XKR6: variants seen among roughly 807,000 people sequenced by gnomAD.
The protein encoded by XKR6 is XK-related protein 6.
Under a neutral mutation model 56.7 loss-of-function variants are expected in XKR6, and 22 were observed. That is an observed-to-expected ratio of 0.39 (90% CI 0.28 to 0.55). XKR6 has a LOEUF of 0.55. Among genes scored for constraint, XKR6 ranks in the 20% least tolerant of loss-of-function variants. XKR6 has a pLI of 0.66. For missense variants in XKR6, 852 were observed against 889.0 expected, an observed-to-expected ratio of 0.96 and a Z score of 0.53; for synonymous variants, 524 against 387.8, an observed-to-expected ratio of 1.35 and a Z score of -4.13.
At chr8:11,002,565 G>C (rs921414157) in intron 1 of XKR6, 1 of 205,786 alleles carries the variant, frequency 4.9e-6, no homozygotes, top group Non-Finnish European at 1.1e-5. Flanking sequence ...GGCTGGGCGG[G>C]GCTTTGCCAT....
intron 2 of XKR6, among the ~76,000 whole-genome samples, chr8:10,922,802 A>G (rs1800760842): frequency 6.6e-6 from 1 of 152,136 alleles, no homozygotes; most frequent in Non-Finnish European, 1.5e-5. Flanking sequence ...GTATGTGTGC[A>G]TGTGGGTGTG....
At chr8:11,127,723 A>T (rs552425662) in intron 1 of XKR6, among the ~76,000 whole-genome samples, 6 of 152,240 alleles carry the variant, frequency 3.9e-5, no homozygotes, top group African/African-American at 1.4e-4. Flanking sequence ...TTCATCCCCA[A>T]ATCCTTAATC....
chr8:11,191,499 G>A (rs76068855), intron 1 of XKR6, among the ~76,000 whole-genome samples: 10 of 152,200 alleles, frequency 6.6e-5, no homozygotes, highest in African/African-American at 2.2e-4. Context: ...CGTATGGGGC[G>A]CCTACTGATA....
At chr8:11,167,378 G>A (rs1332965923) in intron 1 of XKR6, among the ~76,000 whole-genome samples, 4 of 152,228 alleles carry the variant, frequency 2.6e-5, no homozygotes, top group African/African-American at 9.6e-5. Context: ...CAAGTAGAAC[G>A]CATTCATAAA....
intron 1 of XKR6, among the ~76,000 whole-genome samples, chr8:11,161,963 A>T (rs1348344240): frequency 6.6e-6 from 1 of 152,256 alleles, no homozygotes; most frequent in South Asian, 2.1e-4. Flanking sequence ...AAAGAAAAAG[A>T]AAAGAGGAAG....
chr8:11,004,733 G>A (rs1474819098), intron 1 of XKR6, among the ~76,000 whole-genome samples: 1 of 152,160 alleles, frequency 6.6e-6, no homozygotes, highest in Non-Finnish European at 1.5e-5. Flanking sequence ...ACAGATAATT[G>A]TATATCCATG....
intron 1 of XKR6, among the ~76,000 whole-genome samples, chr8:10,982,268 T>C (rs1277100843): frequency 2.0e-5 from 3 of 152,206 alleles, no homozygotes; most frequent in Non-Finnish European, 4.4e-5. Context: ...TTGAAAATCA[T>C]TTCCAAGAAA....
chr8:11,039,271 C>T (rs1451944960), intron 1 of XKR6, among the ~76,000 whole-genome samples: 2 of 152,206 alleles, frequency 1.3e-5, no homozygotes, highest in Non-Finnish European at 2.9e-5. Context: ...AAGAGGGAGA[C>T]TGCAGATCCA....
At chr8:10,979,232 A>G (rs1797669093) in intron 1 of XKR6, among the ~76,000 whole-genome samples, 1 of 151,994 alleles carries the variant, frequency 6.6e-6, no homozygotes, top group Non-Finnish European at 1.5e-5. Flanking sequence ...GGCCAGGCCC[A>G]CTAGCCTACT....
rs150251085 is a variant in XKR6 at position 11,033,271 on chromosome 8, G to A, written c.765-108441C>T. The stretch of plus-strand genomic sequence containing the variant: ...AGTGGAGATGCTAATGATGATGATG[G>A]CGATGATGACGATAGTGATGGTGAT... On this transcript the variant is annotated intron_variant, in intron 1 of 2. Transcript: ENST00000416569. Among the ~76,000 whole-genome samples, 50 of 121,644 alleles carry A rather than the reference G, an allele frequency of 4.1e-4. 1 individual carries two copies. The South Asian group carries it at 7.3e-3, about 18-fold the overall frequency. The allele number at this position is 121,644 out of a possible 152,430, so 79.8% of individuals were successfully genotyped here.
intron 1 of XKR6, among the ~76,000 whole-genome samples, chr8:11,063,213 A>ATAAC (rs1445041805): frequency 6.6e-6 from 1 of 151,988 alleles, no homozygotes; most frequent in Admixed American, 6.6e-5. Context: ...AAATAAATAA[A>ATAAC]TAAATAAATA....
Position 11,201,536 on chromosome 8 carries a change from GC to G in XKR6, c.-198del, listed in dbSNP as rs1804248207. Among the ~76,000 whole-genome samples, 1 of 152,004 alleles carries G rather than the reference GC, an allele frequency of 6.6e-6. No individual in the cohort carries two copies. The highest frequency in any genetic ancestry group is 2.4e-5 in the African/African-American group (1 of 41,378). On this transcript the variant is annotated 5_prime_UTR_variant, in exon 1 of 3. Coordinates refer to ENST00000416569, the MANE Select transcript of XKR6 (RefSeq NM_173683.4). ...GGTAGTTGGCGTCACTTCCGGGCGA[GC>G]CCCCCAATCGCACGGCGCCCGCAGC...
intron 1 of XKR6, among the ~76,000 whole-genome samples, chr8:11,096,873 C>G (rs956478266): frequency 1.3e-5 from 2 of 152,208 alleles, no homozygotes; most frequent in African/African-American, 4.8e-5. Flanking sequence ...GAATGTCACC[C>G]AAACACCAAA....
At chr8:10,912,321 T>C (rs1800410543) in intron 2 of XKR6, among the ~76,000 whole-genome samples, 1 of 117,786 alleles carries the variant, frequency 8.5e-6, no homozygotes, top group Admixed American at 9.0e-5. Context: ...TATATATATA[T>C]ATATATATAT....
intron 1 of XKR6, among the ~76,000 whole-genome samples, chr8:11,037,272 C>T (rs919839584): frequency 6.6e-6 from 1 of 152,226 alleles, no homozygotes; most frequent in African/African-American, 2.4e-5. Context: ...CTCACCCAGG[C>T]TGGAGTGTGG....
At chr8:11,158,442 T>C (rs1801633591) in intron 1 of XKR6, among the ~76,000 whole-genome samples, 1 of 152,212 alleles carries the variant, frequency 6.6e-6, no homozygotes. Context: ...AGGCAGGGCC[T>C]GGCAAGAAAT....
At chr8:11,099,518 C>A (rs944665855) in intron 1 of XKR6, among the ~76,000 whole-genome samples, 2 of 152,196 alleles carry the variant, frequency 1.3e-5, no homozygotes, top group Non-Finnish European at 2.9e-5. Flanking sequence ...GCTCTGAGAT[C>A]AGCTCCTCTC....
At chr8:11,123,417 C>T in intron 1 of XKR6, 1 of 155,618 alleles carries the variant, frequency 6.4e-6, no homozygotes, top group Non-Finnish European at 1.4e-5. Context: ...TACTGTAATC[C>T]AGAAATCTGC....
chr8:11,022,067 G>A (rs1798760891), intron 1 of XKR6, among the ~76,000 whole-genome samples: 1 of 150,378 alleles, frequency 6.6e-6, no homozygotes, highest in African/African-American at 2.5e-5. Context: ...TGGCCCACTG[G>A]GGAGCTTTTT....
Sources: gnomAD v4.1 joint callset for allele counts (sites outside exome capture counted in the v4.1 genomes callset) on GRCh38, gnomAD v4.1.1 for gene constraint, MANE v1.5 for transcripts, NCBI Gene and HGNC (gene_info 2026-07-23, HGNC 2026-07-21) for gene names.